RAB3GAP2: variants seen among roughly 807,000 people sequenced by gnomAD.
The protein encoded by RAB3GAP2 is RAB3 GTPase activating non-catalytic protein subunit 2.
RAB3GAP2 carries 87 observed loss-of-function variants against 185.3 expected under a neutral mutation model. The ratio of observed to expected loss-of-function variants is 0.47; its 90% confidence interval spans 0.39 to 0.56. RAB3GAP2 has a LOEUF of 0.56. RAB3GAP2 is among the 20% of genes least tolerant of loss of function. The pLI is 0.00. For synonymous variants in RAB3GAP2, 554 were observed against 576.1 expected (o/e 0.96, Z 0.55); for missense variants, 1,492 against 1,638.2 (o/e 0.91, Z 1.54).
intron 1 of RAB3GAP2, among the ~76,000 whole-genome samples, chr1:220,233,400 G>T (rs890101032): frequency 6.6e-6 from 1 of 152,114 alleles, no homozygotes; most frequent in Admixed American, 6.5e-5. Flanking sequence ...ATGTTGGATC[G>T]TCCTCTCAGA....
intron 21 of RAB3GAP2, among the ~76,000 whole-genome samples, chr1:220,176,309 T>C (rs2102861863): frequency 6.6e-6 from 1 of 152,320 alleles, no homozygotes; most frequent in South Asian, 2.1e-4. Flanking sequence ...AGATGATGTC[T>C]AAATAATAGA....
chr1:220,268,769 T>C (rs554745341), intron 1 of RAB3GAP2, among the ~76,000 whole-genome samples: 1 of 152,334 alleles, frequency 6.6e-6, no homozygotes, highest in South Asian at 2.1e-4. Context: ...TCTATAGGTA[T>C]AGTGCAAATT....
intron 17 of RAB3GAP2, 40 bp from the exon 18 acceptor site, chr1:220,185,781 C>T (rs1477403691): frequency 1.3e-6 from 2 of 1,517,124 alleles, no homozygotes; most frequent in South Asian, 2.3e-5. Flanking sequence ...AATTATAAGG[C>T]AGTGATTTTG....
chr1:220,246,669 A>T lies in RAB3GAP2; in HGVS notation c.116-13806T>A, dbSNP rs377265500. Reference sequence around the variant, plus strand: ...ATCATTCTCAGTAAACTATCGCAAGAACAAAAAACCAAACACCGCATATTC... The same window carrying T: ...ATCATTCTCAGTAAACTATCGCAAGTACAAAAAACCAAACACCGCATATTC... On this transcript the variant is annotated intron_variant, in intron 1 of 34. Transcript: ENST00000358951. Among the ~76,000 whole-genome samples the T allele has an allele frequency of 6.4e-3, 813 of 127,168 alleles. 7 individuals are homozygous for T. Among genetic ancestry groups the T allele is most frequent in the Middle Eastern group, 0.033 (9 of 276 alleles). 83.4% of individuals were successfully genotyped at this position (127,168 alleles called of 152,430 possible). A position where few individuals can be genotyped will look rare whatever the true frequency, so the allele number is the denominator to read the frequency against.
chr1:220,272,166 G>T (rs1338140031), intron 1 of RAB3GAP2, 57 bp downstream of exon 1: 2 of 1,443,546 alleles, frequency 1.4e-6, no homozygotes, highest in East Asian at 2.4e-5. Context: ...ACTCGAACCC[G>T]TGAGCAGAGG....
intron 1 of RAB3GAP2, chr1:220,266,215 C>A: frequency 5.5e-6 from 1 of 181,828 alleles, no homozygotes; most frequent in African/African-American, 2.4e-5. Context: ...ACTTTTTTTT[C>A]TGTACAAATA....
chr1:220,245,645 C>A (rs9430920), intron 1 of RAB3GAP2, among the ~76,000 whole-genome samples: 2 of 150,008 alleles, frequency 1.3e-5, no homozygotes, highest in Non-Finnish European at 3.0e-5. Context: ...GCCGGGAAGC[C>A]CCAACTGGGT....
chr1:220,217,541 G>A (rs1659221811), intron 2 of RAB3GAP2, among the ~76,000 whole-genome samples: 1 of 151,858 alleles, frequency 6.6e-6, no homozygotes. Flanking sequence ...CCTGCTACCT[G>A]TTTATTCTGT....
chr1:220,233,243 A>T (rs964888989), intron 1 of RAB3GAP2, among the ~76,000 whole-genome samples: 26 of 141,450 alleles, frequency 1.8e-4, no homozygotes, highest in East Asian at 9.7e-4. Context: ...ACACGGTGAT[A>T]AAAAAAACAC....
chr1:220,220,566 A>T (rs915804780), intron 2 of RAB3GAP2: 3 of 152,294 alleles, frequency 2.0e-5, no homozygotes, highest in African/African-American at 7.2e-5. Flanking sequence ...TTTAGGAGGC[A>T]AAAGCTGAAG....
At chr1:220,251,500 C>A (rs1345416503) in intron 1 of RAB3GAP2, among the ~76,000 whole-genome samples, 1 of 152,166 alleles carries the variant, frequency 6.6e-6, no homozygotes, top group Non-Finnish European at 1.5e-5. Flanking sequence ...ATTTACAAAG[C>A]AAGCTCTACT....
intron 17 of RAB3GAP2, 40 bp from the exon 18 acceptor site, chr1:220,185,781 C>A: frequency 6.6e-7 from 1 of 1,517,124 alleles, no homozygotes; most frequent in Admixed American, 1.7e-5. Context: ...AATTATAAGG[C>A]AGTGATTTTG....
At chr1:220,172,074 A>T (rs762205882) in intron 22 of RAB3GAP2, 25 bp from the exon 23 acceptor site, 2 of 1,612,952 alleles carry the variant, frequency 1.2e-6, no homozygotes, top group Non-Finnish European at 1.7e-6. Flanking sequence ...GAAAACAGAA[A>T]AATAAACTCT....
intron 17 of RAB3GAP2, among the ~76,000 whole-genome samples, chr1:220,186,401 G>T (rs75869688): frequency 0.036 from 5,552 of 152,220 alleles, 252 homozygotes; most frequent in East Asian, 0.22. Context: ...CTGAGAATGT[G>T]GGATAAGACA....
rs1320221492 is a variant in RAB3GAP2, at chr1:220,213,926, A to C, written c.234T>G (p.Cys78Trp). The part of the protein sequence containing the change: ...KTQKTSWLQD[C>W]VLSLSPTNDL... ...CATTGGTTGGAGATAAGGATAAAAC[A>C]CAATCTTGGAGCCAGGAAGTTTTTT... Residue 78 changes from cysteine (C) to tryptophan (W), a missense_variant, in exon 3 of 35, where the codon TGT becomes TGG. Physicochemically the swap from Cys to Trp is radical, Grantham distance 215 (BLOSUM62 -2). Around this residue, in one of 5 missense-constraint regions of RAB3GAP2, gnomAD observed 177 missense variants for 160.6 expected, o/e 1.10. Coordinates refer to ENST00000358951, the MANE Select transcript of RAB3GAP2 (RefSeq NM_012414.4). 1 of 1,613,132 alleles carries C rather than the reference A, an allele frequency of 6.2e-7. No individual in the cohort carries two copies. The highest frequency in any genetic ancestry group is 8.5e-7 in the Non-Finnish European group (1 of 1,179,278).
In RAB3GAP2 at chr1:220,226,325, C is replaced by T. The variant is rs115371058; in HGVS notation, c.180+6474G>A. Among the ~76,000 whole-genome samples the T allele has an allele frequency of 4.9e-3, 753 of 152,188 alleles. 3 individuals are homozygous for T. Among genetic ancestry groups the T allele is most frequent in the African/African-American group, 0.017 (710 of 41,528 alleles). On this transcript the variant is annotated intron_variant, in intron 2 of 34. Coordinates refer to ENST00000358951, the MANE Select transcript of RAB3GAP2 (RefSeq NM_012414.4). ...GCCTTTCAAGCTTCTTCCCAAACTG[C>T]CTCAATTCCCTTTACAGCATAAGGC...
intron 19 of RAB3GAP2, 100 bp from the exon 20 acceptor site, chr1:220,183,031 A>G: frequency 1.1e-6 from 1 of 879,336 alleles, no homozygotes; most frequent in South Asian, 1.4e-5. Context: ...CTTTTTAATT[A>G]ATATAATACC....
chr1:220,195,193 T>TAA, intron 11 of RAB3GAP2, 26 bp from the exon 12 acceptor site: 1 of 1,612,666 alleles, frequency 6.2e-7, no homozygotes, highest in Non-Finnish European at 8.5e-7. Context: ...ACTTAGAATA[T>TAA]AAAACTGAGC....
At position 220,157,494 on chromosome 1, in the gene RAB3GAP2, G is replaced by C; in HGVS notation, c.3337-6C>G. 1.2e-6 allele frequency: 2 copies of C among 1,612,336 alleles called. No individual in the cohort carries two copies. The highest frequency in any genetic ancestry group is 1.1e-5 in the South Asian group (1 of 91,014). On this transcript the variant is annotated splice_polypyrimidine_tract_variant and splice_region_variant and intron_variant, in intron 30 of 34. Transcript: ENST00000358951. ...TCATCCCTGCTAACATCTGCCTAAG[G>C]GTTTTGAGAATGGAGGACTGTGTTC...
Sources: allele counts gnomAD v4.1 joint callset (sites outside exome capture counted in the v4.1 genomes callset), GRCh38; gene constraint gnomAD v4.1.1; regional missense constraint gnomAD v4.1.1; transcripts MANE v1.5; gene names NCBI Gene and HGNC (gene_info 2026-07-23, HGNC 2026-07-21).